Variants in DNM3 observed in about 807,000 individuals in gnomAD.
DNM3 encodes the protein dynamin-3.
DNM3 carries 47 observed loss-of-function variants against 101.6 expected under a neutral mutation model. The ratio of observed to expected loss-of-function variants is 0.46; its 90% confidence interval spans 0.37 to 0.59. DNM3 has a LOEUF of 0.59. Among genes scored for constraint, DNM3 ranks in the 20% least tolerant of loss-of-function variants. DNM3 has a pLI of 0.00. For missense variants in DNM3, 849 were observed against 1,085.7 expected (o/e 0.78, Z 3.06); for synonymous variants, 385 against 387.9 (o/e 0.99, Z 0.09).
At chr1:172,165,622 A>C (rs2058717214) in intron 14 of DNM3, among the ~76,000 whole-genome samples, 1 of 151,980 alleles carries the variant, frequency 6.6e-6, no homozygotes, top group Non-Finnish European at 1.5e-5. Flanking sequence ...TACCTCATGA[A>C]ATCTACAGCA....
At chr1:171,933,874 G>C (rs1446110552) in intron 2 of DNM3, among the ~76,000 whole-genome samples, 3 of 152,138 alleles carry the variant, frequency 2.0e-5, no homozygotes, top group Non-Finnish European at 4.4e-5. Flanking sequence ...CAACCAAATG[G>C]AAAAAGGAAA....
At chr1:171,864,675 G>A (rs1489526804) in intron 1 of DNM3, 5 of 152,132 alleles carry the variant, frequency 3.3e-5, no homozygotes, top group African/African-American at 1.2e-4. Flanking sequence ...TTTGGAAGGA[G>A]GCACAACACT....
At chr1:172,252,034 T>C (rs1183584995) in intron 14 of DNM3, among the ~76,000 whole-genome samples, 2 of 152,162 alleles carry the variant, frequency 1.3e-5, no homozygotes, top group East Asian at 3.9e-4. Context: ...TGTTTGATAA[T>C]ATATTCTTAA....
At chr1:172,136,219 T>A (rs1470021812) in intron 14 of DNM3, among the ~76,000 whole-genome samples, 1 of 152,182 alleles carries the variant, frequency 6.6e-6, no homozygotes, top group African/African-American at 2.4e-5. Context: ...CTTATAGGGA[T>A]ATTTACTTAG....
chr1:172,114,665 T>C (rs969750532), intron 13 of DNM3, among the ~76,000 whole-genome samples: 9 of 152,200 alleles, frequency 5.9e-5, no homozygotes, highest in African/African-American at 2.2e-4. Flanking sequence ...TACTGTTTAG[T>C]GCTCTGTGCA....
chr1:171,979,675 A>G (rs1479776401), intron 2 of DNM3, among the ~76,000 whole-genome samples: 2 of 152,210 alleles, frequency 1.3e-5, no homozygotes, highest in Admixed American at 6.5e-5. Context: ...CACCAGCACT[A>G]TTCCAGTTAC....
At chr1:172,363,159 G>GT (rs2067834175) in intron 17 of DNM3, among the ~76,000 whole-genome samples, 1 of 151,652 alleles carries the variant, frequency 6.6e-6, no homozygotes, top group African/African-American at 2.4e-5. Context: ...AGACAAATTT[G>GT]TTTTTTTCTG....
intron 4 of DNM3, among the ~76,000 whole-genome samples, chr1:172,012,184 G>A (rs183487379): frequency 6.6e-6 from 1 of 152,096 alleles, no homozygotes; most frequent in Admixed American, 6.6e-5. Flanking sequence ...GGGTGCTGTG[G>A]TATTTCTTCT....
intron 14 of DNM3, among the ~76,000 whole-genome samples, chr1:172,177,303 A>C (rs2059187173): frequency 6.6e-6 from 1 of 151,886 alleles, no homozygotes; most frequent in South Asian, 2.1e-4. Flanking sequence ...CTTGTATTAT[A>C]GTATATTGTT....
At chr1:172,381,899 C>G (rs894478877) in intron 18 of DNM3, among the ~76,000 whole-genome samples, 2 of 152,082 alleles carry the variant, frequency 1.3e-5, no homozygotes, top group African/African-American at 2.4e-5. Context: ...TCTTCCTGGT[C>G]TATCAAAAGC....
In DNM3 at chr1:171,899,435, T is replaced by C. The variant is rs149569245; in HGVS notation, c.162-22313T>C. Among the ~76,000 whole-genome samples the C allele has an allele frequency of 3.9e-5, 6 of 152,312 alleles. No individual in the cohort carries two copies. The East Asian group carries it at 1.2e-3, about 29-fold the overall frequency. ...ATTATCCTTTCCTCCATGCTTCCTA[T>C]GGTGGAACGGTAGTAAAATAGGAAA... On this transcript the variant is annotated intron_variant, in intron 1 of 20. Coordinates refer to ENST00000627582, the MANE Select transcript of DNM3 (RefSeq NM_015569.5).
chr1:171,943,092 C>T (rs1489598209), intron 2 of DNM3, among the ~76,000 whole-genome samples: 15 of 150,820 alleles, frequency 9.9e-5, no homozygotes, highest in Admixed American at 9.9e-4. Context: ...GCCTGAGCAA[C>T]AGAGTGAAAC....
chr1:171,950,172 A>G (rs1352203390), intron 2 of DNM3, among the ~76,000 whole-genome samples: 1 of 152,112 alleles, frequency 6.6e-6, no homozygotes, highest in African/African-American at 2.4e-5. Context: ...GCTGGGGTGA[A>G]TCTCAAAATA....
intron 1 of DNM3, among the ~76,000 whole-genome samples, chr1:171,915,313 C>T (rs2039625884): frequency 6.6e-6 from 1 of 152,164 alleles, no homozygotes; most frequent in African/African-American, 2.4e-5. Flanking sequence ...TGTGATAGAA[C>T]TTACATCACT....
At chr1:171,883,896 A>G (rs1393028474) in intron 1 of DNM3, among the ~76,000 whole-genome samples, 1 of 152,244 alleles carries the variant, frequency 6.6e-6, no homozygotes, top group Non-Finnish European at 1.5e-5. Flanking sequence ...AACATTTCCC[A>G]GTCTGATTTT....
intron 15 of DNM3, among the ~76,000 whole-genome samples, chr1:172,304,957 A>G (rs1573383984): frequency 6.6e-6 from 1 of 152,300 alleles, no homozygotes; most frequent in East Asian, 1.9e-4. Flanking sequence ...ACACCCTAAC[A>G]TCACAATTAA....
chr1:172,314,669 G>A (rs2065240008), intron 16 of DNM3, among the ~76,000 whole-genome samples: 1 of 152,204 alleles, frequency 6.6e-6, no homozygotes, highest in South Asian at 2.1e-4. Flanking sequence ...ACTGCAAGGT[G>A]GCAGCGAGGC....
chr1:172,193,645 C>T (rs1029266395), intron 14 of DNM3, among the ~76,000 whole-genome samples: 10 of 152,148 alleles, frequency 6.6e-5, no homozygotes, highest in African/African-American at 9.6e-5. Flanking sequence ...AGTTTATTTG[C>T]GTAGAGGTGT....
intron 15 of DNM3, among the ~76,000 whole-genome samples, chr1:172,266,491 T>C (rs1428723123): frequency 6.6e-6 from 1 of 152,218 alleles, no homozygotes; most frequent in Non-Finnish European, 1.5e-5. Flanking sequence ...CAATTAAGCT[T>C]GTTTATGCAA....
Sources: allele counts gnomAD v4.1 joint callset (sites outside exome capture counted in the v4.1 genomes callset), GRCh38; gene constraint gnomAD v4.1.1; transcripts MANE v1.5; gene names NCBI Gene and HGNC (gene_info 2026-07-23, HGNC 2026-07-21).